Variants in ZNF227 observed in about 807,000 individuals in gnomAD.
ZNF227 encodes the protein zinc finger protein 227.
In ZNF227, 12 loss-of-function variants were observed where a neutral mutation model predicts 13.2. The observed-to-expected ratio is 0.91, with a 90% CI of 0.58 to 1.47. The LOEUF is 1.47. Among genes scored for constraint, ZNF227 ranks in the 40% most tolerant of loss-of-function variants. The pLI is 0.00. For missense variants in ZNF227, 885 were observed against 967.5 expected (o/e 0.91, Z 1.13); for synonymous variants, 338 against 326.0 (o/e 1.04, Z -0.40).
chr19:44,234,164 T>TTTCCACTTG (rs1692994359), intron 5 of ZNF227, among the ~76,000 whole-genome samples: 2 of 152,338 alleles, frequency 1.3e-5, no homozygotes, highest in South Asian at 4.1e-4. Context: ...AGCTTTCCCT[T>TTTCCACTTG]TTCCACTTGT....
chr19:44,214,332 C>T (rs779922518), intron 2 of ZNF227, among the ~76,000 whole-genome samples: 1 of 151,480 alleles, frequency 6.6e-6, no homozygotes, highest in Non-Finnish European at 1.5e-5. Context: ...GTTTGGTATT[C>T]TGTGTAGTAG....
intron 3 of ZNF227, among the ~76,000 whole-genome samples, chr19:44,225,494 G>C (rs189863687): frequency 1.3e-4 from 20 of 151,734 alleles, no homozygotes; most frequent in East Asian, 7.7e-4. Context: ...CTGAACTTCC[G>C]TTCTCGCTTC....
chr19:44,211,215 AC>A (rs368524635), upstream of ZNF227, among the ~76,000 whole-genome samples: 5 of 52,214 alleles, frequency 9.6e-5, no homozygotes, highest in Middle Eastern at 0.014. Context: ...AACAACAACA[AC>A]AACAACAACA....
rs577007560 is a variant in ZNF227, at chr19:44,220,087, A to G, written c.60+2235A>G. Among the ~76,000 whole-genome samples, 6 of 152,234 alleles carry G rather than the reference A, an allele frequency of 3.9e-5. No homozygotes were observed. In the South Asian group the frequency reaches 1.2e-3, roughly 32 times the overall value. On this transcript the variant is annotated intron_variant, in intron 3 of 5. Transcript: ENST00000313040. Reference sequence around the variant, plus strand: ...AGAATGATGGTTTCCAGTTTCATCCATGTCCCTACAAAGGACATGAACTCA... The same window carrying G: ...AGAATGATGGTTTCCAGTTTCATCCGTGTCCCTACAAAGGACATGAACTCA...
At chr19:44,223,659 T>C (rs1396930521) in intron 3 of ZNF227, among the ~76,000 whole-genome samples, 2 of 152,170 alleles carry the variant, frequency 1.3e-5, no homozygotes, top group Non-Finnish European at 2.9e-5. Flanking sequence ...CTCTCTTTTT[T>C]TCTTTATTAG....
intron 5 of ZNF227, among the ~76,000 whole-genome samples, chr19:44,233,505 C>T (rs1231301004): frequency 6.6e-6 from 1 of 151,986 alleles, no homozygotes; most frequent in East Asian, 1.9e-4. Context: ...CCGTTACATT[C>T]TACTGGGTCT....
intron 3 of ZNF227, among the ~76,000 whole-genome samples, chr19:44,224,595 C>CT (rs1015641645): frequency 1.3e-5 from 2 of 151,778 alleles, no homozygotes; most frequent in South Asian, 2.1e-4. Flanking sequence ...CAACCCCTGC[C>CT]TTTTTTTTGT....
upstream of ZNF227, among the ~76,000 whole-genome samples, chr19:44,209,496 A>G (rs1425062776): frequency 6.6e-6 from 1 of 152,238 alleles, no homozygotes; most frequent in Non-Finnish European, 1.5e-5. Context: ...AGAGGGAATC[A>G]TTGAGATTTG....
At chr19:44,213,274 C>T (rs1037219109) in intron 2 of ZNF227, 30 bp downstream of exon 2, 1 of 152,124 alleles carries the variant, frequency 6.6e-6, no homozygotes, top group African/African-American at 2.4e-5. Flanking sequence ...CTTTGTTGTT[C>T]CATTTTCTGT....
Position 44,234,778 on chromosome 19 carries a change from C to T in ZNF227, c.348C>T (p.Cys116=). 1.2e-6 allele frequency: 2 copies of T among 1,613,444 alleles called. No individual in the cohort carries two copies. Among genetic ancestry groups the T allele is most frequent in the Non-Finnish European group, 1.7e-6 (2 of 1,179,860 alleles). ...LKYLSNQELS[C]WQIWKQVASE... ...ACCTTTCAAATCAAGAGCTGTCCTG[C>T]TGGCAAATCTGGAAACAGGTTGCAA... The change falls in exon 6 of 6, where the codon TGC becomes TGT. Residue 116 remains cysteine (C), a synonymous_variant. Transcript: ENST00000313040.
rs749176846 is a variant in ZNF227 at position 44,225,281 on chromosome 19, G to A, written c.61-3165G>A. On this transcript the variant is annotated intron_variant, in intron 3 of 5. Coordinates refer to ENST00000313040, the MANE Select transcript of ZNF227 (RefSeq NM_182490.3). Reference sequence around the variant, plus strand: ...TCTTCTCGAGGAGTATCTTTGTGGCGTTCTCTGTATTTCCTGAATCTGAAT... The same window carrying A: ...TCTTCTCGAGGAGTATCTTTGTGGCATTCTCTGTATTTCCTGAATCTGAAT... Among the ~76,000 whole-genome samples the A allele has an allele frequency of 5.2e-3, 795 of 151,706 alleles. 7 individuals are homozygous for A. The highest frequency in any genetic ancestry group is 0.01 in the Middle Eastern group (3 of 294).
At chr19:44,207,987 C>G (rs1160008226), upstream of ZNF227, 1 of 152,136 alleles carries the variant, frequency 6.6e-6, no homozygotes, top group African/African-American at 2.4e-5. Context: ...ATTAAATGTC[C>G]AAAATACCGT....
chr19:44,213,794 T>G (rs532790411), intron 2 of ZNF227: 3 of 152,226 alleles, frequency 2.0e-5, no homozygotes, highest in Non-Finnish European at 4.4e-5. Context: ...AAAACTGCAC[T>G]GATGAATTTT....
chr19:44,235,383 A>G lies in ZNF227; in HGVS notation c.953A>G (p.His318Arg). ...TCTTTTCATTCTTATCAATCTAATC[A>G]TACAGGAGAGAAGTCTTATAGATGC... ...KSSFHSYQSNHTGEKSYRCDS... is the reference protein window; with the variant it reads ...KSSFHSYQSNRTGEKSYRCDS... Residue 318 changes from histidine (H) to arginine (R), a missense_variant, in exon 6 of 6, where the codon CAT (histidine) becomes CGT (arginine). His to Arg is a conservative substitution (Grantham distance 29). Coordinates refer to ENST00000313040, the MANE Select transcript of ZNF227 (RefSeq NM_182490.3). 1 of 1,614,208 alleles carries G rather than the reference A, an allele frequency of 6.2e-7. No individual in the cohort carries two copies. The highest frequency in any genetic ancestry group is 1.6e-4 in the Middle Eastern group (1 of 6,062).
Position 44,235,905 on chromosome 19 carries a change from A to G in ZNF227, c.1475A>G (p.Tyr492Cys), listed in dbSNP as rs777082414. ...HFRVHTGEKPYKCKECGKGFS... is the reference protein window; with the variant it reads ...HFRVHTGEKPCKCKECGKGFS... ...AGAGTTCACACGGGAGAGAAACCCT[A>G]TAAATGTAAGGAGTGTGGTAAGGGC... Residue 492 changes from tyrosine (Y) to cysteine (C), a missense_variant, in exon 6 of 6, where the codon TAT becomes TGT. By Grantham distance (194) the Tyr-to-Cys change is radical (BLOSUM62 -2). Transcript: ENST00000313040. 18 of 1,614,054 alleles carry G rather than the reference A, an allele frequency of 1.1e-5. No individual in the cohort carries two copies. The highest frequency in any genetic ancestry group is 1.4e-5 in the Non-Finnish European group (17 of 1,180,030).
At position 44,236,660 on chromosome 19, in the gene ZNF227, T is replaced by C; in HGVS notation, c.2230T>C (p.Phe744Leu). The C allele has an allele frequency of 1.8e-5, 29 of 1,613,908 alleles. No homozygotes were observed. The highest frequency in any genetic ancestry group is 2.5e-5 in the Non-Finnish European group (29 of 1,179,982). The change falls in exon 6 of 6, where the codon TTT (phenylalanine) becomes CTT (leucine). Residue 744 changes from phenylalanine (F) to leucine (L), a missense_variant. Physicochemically the swap from Phe to Leu is conservative, Grantham distance 22 (BLOSUM62 0). Transcript: ENST00000313040. ...HLGVHTREKL[F>L]KCEECGKGFS... ...GGGTGTTCACACCAGGGAAAAACTCTTTAAATGTGAAGAGTGTGGTAAAGG... is the reference window on the plus strand; with the variant it reads ...GGGTGTTCACACCAGGGAAAAACTCCTTAAATGTGAAGAGTGTGGTAAAGG...
chr19:44,216,165 G>T (rs1158651996), intron 2 of ZNF227, among the ~76,000 whole-genome samples: 1 of 149,946 alleles, frequency 6.7e-6, no homozygotes, highest in Non-Finnish European at 1.5e-5. Context: ...TCTTACCATT[G>T]CTTTTTGCAG....
At chr19:44,217,252 C>T (rs7508523) in intron 2 of ZNF227, among the ~76,000 whole-genome samples, 57,923 of 151,846 alleles carry the variant, frequency 0.38, 13,017 homozygotes, top group South Asian at 0.55. Context: ...GCATGAGCCA[C>T]TGTGCCAGGC....
At position 44,231,853 on chromosome 19, in the gene ZNF227, A is replaced by G. The variant is rs117597044; in HGVS notation, c.271+2037A>G. Among the ~76,000 whole-genome samples, 522 of 152,356 alleles carry G rather than the reference A, an allele frequency of 3.4e-3. 4 individuals carry two copies. The highest frequency in any genetic ancestry group is 0.023 in the East Asian group (119 of 5,178). ...TCAAACCTACTAACCTTAGAAGATA[A>G]AAGCTATTCACAGTTGTTGGAATGT... is the stretch of plus-strand genomic sequence containing the variant. On this transcript the variant is annotated intron_variant, in intron 5 of 5. Coordinates refer to ENST00000313040, the MANE Select transcript of ZNF227 (RefSeq NM_182490.3).
Sources: allele counts gnomAD v4.1 joint callset (sites outside exome capture counted in the v4.1 genomes callset), GRCh38; gene constraint gnomAD v4.1.1; transcripts MANE v1.5; gene names NCBI Gene and HGNC (gene_info 2026-07-23, HGNC 2026-07-21).